Variants in SMYD3 observed in about 807,000 individuals in gnomAD.
The protein encoded by SMYD3 is SET and MYND domain containing 3.
In SMYD3, 36 loss-of-function variants were observed where a neutral mutation model predicts 57.7. That is an observed-to-expected ratio of 0.62 (90% CI 0.48 to 0.82). SMYD3 has a LOEUF of 0.82. Ranked by LOEUF, SMYD3 falls within the 40% of genes least tolerant of loss-of-function variation. The pLI is 0.00. For synonymous variants in SMYD3, 211 were observed against 195.0 expected (o/e 1.08, Z -0.68); for missense variants, 515 against 538.8 (o/e 0.96, Z 0.44).
chr1:245,775,574 C>T (rs184049204), intron 10 of SMYD3, among the ~76,000 whole-genome samples: 3 of 151,392 alleles, frequency 2.0e-5, no homozygotes, highest in East Asian at 1.9e-4. Context: ...ACAAACACTG[C>T]GGAAGGCCGC....
rs143521072 is a variant in SMYD3, at chr1:245,921,549, G to GTATATATATATATATATATATA, written c.703-5931_703-5910dup. 2.0e-3 allele frequency among the ~76,000 whole-genome samples: 287 copies of GTATATATATATATATATATATA among 141,250 alleles called. 4 individuals carry two copies. The highest frequency in any genetic ancestry group is 5.7e-3 in the African/African-American group (219 of 38,344). The allele number at this position is 141,250 out of a possible 152,430, so 92.7% of individuals were successfully genotyped here. A position where few individuals can be genotyped will look rare whatever the true frequency, so the allele number is the denominator to read the frequency against. ...TCAACAGTGAGCTAAAAAATGTGGT[G>GTATATATATATATATATATATA]TATATATATATATATATATATACAC... On this transcript the variant is annotated intron_variant, in intron 7 of 11. Coordinates refer to ENST00000490107, the MANE Select transcript of SMYD3 (RefSeq NM_001167740.2).
chr1:246,208,392 T>A, intron 5 of SMYD3, among the ~76,000 whole-genome samples: 1 of 152,168 alleles, frequency 6.6e-6, no homozygotes, highest in Non-Finnish European at 1.5e-5. Flanking sequence ...GATAGTTCCC[T>A]ACTCACTAAC....
At chr1:246,140,812 C>T (rs1024639062) in intron 5 of SMYD3, among the ~76,000 whole-genome samples, 1 of 152,234 alleles carries the variant, frequency 6.6e-6, no homozygotes, top group East Asian at 1.9e-4. Context: ...CCAGGCTGCT[C>T]TTGAACTCCT....
chr1:246,340,193 T>C (rs2065610998), intron 2 of SMYD3, among the ~76,000 whole-genome samples: 1 of 152,072 alleles, frequency 6.6e-6, no homozygotes, highest in Non-Finnish European at 1.5e-5. Context: ...AAAAGTGTTT[T>C]AAACAGAACA....
chr1:245,930,293 T>C, intron 5 of SMYD3: 4 of 368,948 alleles, frequency 1.1e-5, no homozygotes, highest in South Asian at 8.6e-5. Flanking sequence ...TATTGAAAAC[T>C]AGACTCCTGC....
chr1:246,451,668 T>C (rs1418935556), intron 1 of SMYD3, among the ~76,000 whole-genome samples: 1 of 152,224 alleles, frequency 6.6e-6, no homozygotes, highest in Non-Finnish European at 1.5e-5. Flanking sequence ...AGGTGATCGG[T>C]TGCAACAAAC....
chr1:246,227,956 C>CTTTTTTT (rs202246263), intron 5 of SMYD3, among the ~76,000 whole-genome samples: 4 of 115,576 alleles, frequency 3.5e-5, no homozygotes, highest in African/African-American at 7.3e-5. Flanking sequence ...ATTTTTATTC[C>CTTTTTTT]TTTTTTTTTT....
chr1:246,193,910 A>G (rs1218040212), intron 5 of SMYD3, among the ~76,000 whole-genome samples: 5 of 152,112 alleles, frequency 3.3e-5, no homozygotes, highest in Non-Finnish European at 5.9e-5. Context: ...TCAAACGTAC[A>G]CCAAAATGGC....
At chr1:245,914,281 A>T (rs1219227531) in intron 8 of SMYD3, among the ~76,000 whole-genome samples, 1 of 152,248 alleles carries the variant, frequency 6.6e-6, no homozygotes, top group East Asian at 1.9e-4. Flanking sequence ...TATTTATCCA[A>T]AGGATAGAAA....
intron 1 of SMYD3, among the ~76,000 whole-genome samples, chr1:246,449,761 T>A (rs1051454342): frequency 2.0e-5 from 3 of 152,130 alleles, no homozygotes; most frequent in Non-Finnish European, 4.4e-5. Flanking sequence ...GAAGTGTCAA[T>A]GAAGTCAGGT....
At chr1:246,391,371 C>T (rs922684782) in intron 1 of SMYD3, among the ~76,000 whole-genome samples, 2 of 141,394 alleles carry the variant, frequency 1.4e-5, no homozygotes, top group African/African-American at 5.3e-5. Flanking sequence ...CAAAGCGAGA[C>T]CTTATTGAGA....
intron 5 of SMYD3, among the ~76,000 whole-genome samples, chr1:246,152,038 G>A (rs1344870412): frequency 3.9e-5 from 6 of 152,204 alleles, no homozygotes; most frequent in African/African-American, 7.2e-5. Flanking sequence ...CACTGAGAAC[G>A]CTGTTTCTGG....
chr1:245,821,929 A>G (rs2049182121), intron 10 of SMYD3, among the ~76,000 whole-genome samples: 1 of 151,414 alleles, frequency 6.6e-6, no homozygotes, highest in Non-Finnish European at 1.5e-5. Context: ...AGAAATAGGA[A>G]CACTTTTACA....
intron 5 of SMYD3, among the ~76,000 whole-genome samples, chr1:246,068,942 C>G (rs1008389683): frequency 6.6e-6 from 1 of 152,122 alleles, no homozygotes; most frequent in Non-Finnish European, 1.5e-5. Flanking sequence ...GCTGGTCTCC[C>G]TTTTCAAAAA....
intron 1 of SMYD3, among the ~76,000 whole-genome samples, chr1:246,395,592 A>AGAC (rs1328716809): frequency 1.5e-5 from 2 of 130,204 alleles, no homozygotes; most frequent in Admixed American, 7.6e-5. Context: ...CCCCACGGTC[A>AGAC]GACAGGGAAG....
chr1:246,378,068 G>A (rs889499641), intron 1 of SMYD3, among the ~76,000 whole-genome samples: 18 of 152,106 alleles, frequency 1.2e-4, no homozygotes, highest in Admixed American at 7.2e-4. Flanking sequence ...TCAACTGCCT[G>A]TTCATAGCAT....
chr1:246,310,730 C>T (rs953656388), intron 5 of SMYD3, among the ~76,000 whole-genome samples: 14 of 140,996 alleles, frequency 9.9e-5, no homozygotes, highest in East Asian at 2.2e-4. Flanking sequence ...AGTGCAGTGG[C>T]GCGATCTTGG....
intron 5 of SMYD3, among the ~76,000 whole-genome samples, chr1:246,057,675 C>T (rs979339227): frequency 6.6e-6 from 1 of 152,190 alleles, no homozygotes; most frequent in Non-Finnish European, 1.5e-5. Context: ...GGTACAGCCA[C>T]TTGGGAAGAC....
At chr1:245,917,875 A>G (rs1259370535) in intron 7 of SMYD3, among the ~76,000 whole-genome samples, 2 of 152,226 alleles carry the variant, frequency 1.3e-5, no homozygotes, top group Non-Finnish European at 2.9e-5. Flanking sequence ...TAGAGCAGAA[A>G]ACTCCATGTG....
Sources: allele counts gnomAD v4.1 joint callset (sites outside exome capture counted in the v4.1 genomes callset), GRCh38; gene constraint gnomAD v4.1.1; transcripts MANE v1.5; gene names NCBI Gene and HGNC (gene_info 2026-07-23, HGNC 2026-07-21).